The following JAK1 variants were observed in gnomAD, a reference collection of about 807,000 sequenced individuals.
JAK1 encodes the protein Janus kinase 1, also known as tyrosine-protein kinase JAK1.
A neutral mutation model predicts 136.6 loss-of-function variants in JAK1; 16 were observed. The observed-to-expected ratio is 0.12, with a 90% CI of 0.08 to 0.18. The LOEUF is 0.18. JAK1 is among the 10% of genes least tolerant of loss of function. The pLI is 1.00. For synonymous variants in JAK1, 492 were observed against 519.5 expected (o/e 0.95, Z 0.72); for missense variants, 859 against 1,450.1 (o/e 0.59, Z 6.62).
chr1:64,887,805 T>A (rs1305572538), intron 1 of JAK1, among the ~76,000 whole-genome samples: 1 of 152,150 alleles, frequency 6.6e-6, no homozygotes, highest in African/African-American at 2.4e-5. Flanking sequence ...AGGATCAGCA[T>A]GTGTGGGGAA....
At chr1:64,933,579 G>A (rs898014538) in intron 1 of JAK1, among the ~76,000 whole-genome samples, 1 of 152,168 alleles carries the variant, frequency 6.6e-6, no homozygotes, top group African/African-American at 2.4e-5. Flanking sequence ...TCTCTGCCAT[G>A]GGCTGACGCC....
chr1:64,856,241 A>G (rs1227431460), intron 10 of JAK1, among the ~76,000 whole-genome samples: 1 of 152,196 alleles, frequency 6.6e-6, no homozygotes, highest in African/African-American at 2.4e-5. Context: ...GGTGCCAGAT[A>G]GGAGGTATAA....
intron 1 of JAK1, among the ~76,000 whole-genome samples, chr1:64,911,322 G>A (rs976269281): frequency 6.6e-6 from 1 of 152,212 alleles, no homozygotes; most frequent in South Asian, 2.1e-4. Context: ...ATACCTGAGA[G>A]TTAAAGAGTG....
At chr1:64,890,233 T>C (rs984926955) in intron 1 of JAK1, among the ~76,000 whole-genome samples, 7 of 149,582 alleles carry the variant, frequency 4.7e-5, no homozygotes. Context: ...CAATGAAAAC[T>C]ACAGGAAGAT....
At chr1:64,888,763 G>A in intron 1 of JAK1, among the ~76,000 whole-genome samples, 1 of 152,182 alleles carries the variant, frequency 6.6e-6, no homozygotes, top group East Asian at 1.9e-4. Flanking sequence ...ATAGATTTGT[G>A]ATGCTTAGCC....
At chr1:64,979,328 G>A (rs1646523263) in intron 2 of JAK1, among the ~76,000 whole-genome samples, 1 of 152,208 alleles carries the variant, frequency 6.6e-6, no homozygotes, top group African/African-American at 2.4e-5. Flanking sequence ...GACCCCAGGA[G>A]TTCGAGGCTG....
intron 1 of JAK1, among the ~76,000 whole-genome samples, chr1:65,063,381 C>A (rs973115889): frequency 2.0e-5 from 3 of 152,240 alleles, no homozygotes; most frequent in African/African-American, 7.2e-5. Context: ...TGGACTTTTA[C>A]ACTAATCTCC....
At chr1:64,881,934 CAAAA>C (rs1202801117) in intron 3 of JAK1, among the ~76,000 whole-genome samples, 5 of 151,860 alleles carry the variant, frequency 3.3e-5, no homozygotes, top group African/African-American at 1.2e-4. Flanking sequence ...AGGGAGAAAA[CAAAA>C]AAACAAAGCC....
intron 2 of JAK1, among the ~76,000 whole-genome samples, chr1:64,998,022 G>A (rs1646719651): frequency 6.6e-6 from 1 of 152,036 alleles, no homozygotes; most frequent in Admixed American, 6.5e-5. Flanking sequence ...TCTAGAAATA[G>A]AACAAAAAGA....
rs1183218798 is a variant in JAK1, at chr1:64,928,778, C to CAAAAA, written c.-78+37550_-78+37554dup. On this transcript the variant is annotated intron_variant, in intron 1 of 24. Coordinates refer to ENST00000342505, the MANE Select transcript of JAK1 (RefSeq NM_002227.4). ...AGGTTCTGAGTGCTATAAAACTCTG[C>CAAAAA]AAAAAAAAAAAAAAAAAACAAAAAA... Among the ~76,000 whole-genome samples, 5 of 61,152 alleles carry CAAAAA rather than the reference C, an allele frequency of 8.2e-5. 1 individual carries two copies. Among genetic ancestry groups the CAAAAA allele is most frequent in the Non-Finnish European group, 1.3e-4 (4 of 31,872 alleles). The allele number at this position is 61,152 out of a possible 152,430, so 40.1% of individuals were successfully genotyped here.
intron 2 of JAK1, chr1:64,992,013 T>C (rs2100726136): frequency 6.6e-6 from 1 of 152,330 alleles, no homozygotes; most frequent in East Asian, 1.9e-4. Context: ...CAAAACAATG[T>C]ACAGATTCAA....
chr1:64,992,696 T>TG (rs2100728072), intron 2 of JAK1: 1 of 152,292 alleles, frequency 6.6e-6, no homozygotes, highest in Admixed American at 6.5e-5. Context: ...GAGACCATCC[T>TG]GGCTAACATG....
chr1:65,018,934 C>A (rs1039785129), intron 2 of JAK1, among the ~76,000 whole-genome samples: 7 of 152,090 alleles, frequency 4.6e-5, no homozygotes, highest in African/African-American at 1.7e-4. Context: ...CGGGGTGAAC[C>A]CAGGAGGCGG....
chr1:64,894,642 T>G (rs909359894), intron 1 of JAK1, among the ~76,000 whole-genome samples: 23 of 151,820 alleles, frequency 1.5e-4, no homozygotes, highest in Admixed American at 1.5e-3. Flanking sequence ...CCGGGCGTGG[T>G]GGTGGGTGCC....
chr1:65,062,952 T>C (rs1473981220), intron 1 of JAK1, among the ~76,000 whole-genome samples: 3 of 152,238 alleles, frequency 2.0e-5, no homozygotes, highest in Non-Finnish European at 4.4e-5. Flanking sequence ...TTTGGCAGTT[T>C]GTCATCTATA....
chr1:65,052,858 T>C (rs556477819), intron 1 of JAK1, among the ~76,000 whole-genome samples: 29 of 44,302 alleles, frequency 6.5e-4, no homozygotes, highest in Non-Finnish European at 8.3e-4. Context: ...CGAGACTCCA[T>C]CTCAAAAAAA....
At chr1:64,836,338 T>C (rs1654476413) in intron 22 of JAK1, 123 bp from the exon 23 acceptor site, 1 of 688,134 alleles carries the variant, frequency 1.5e-6, no homozygotes, top group Admixed American at 2.2e-5. Flanking sequence ...TCTGACTGTG[T>C]ATTATATATT....
chr1:64,960,146 T>C (rs975453339), intron 1 of JAK1, among the ~76,000 whole-genome samples: 10 of 152,208 alleles, frequency 6.6e-5, no homozygotes, highest in Admixed American at 3.9e-4. Flanking sequence ...GAGGATTGCT[T>C]GAGCCCAGAA....
chr1:64,968,949 A>T (rs1318922908), upstream of JAK1, among the ~76,000 whole-genome samples: 1 of 150,980 alleles, frequency 6.6e-6, no homozygotes, highest in Admixed American at 6.6e-5. Context: ...AAAAAAAAAA[A>T]AAAAAGGTAA....
Sources: allele counts gnomAD v4.1 joint callset (sites outside exome capture counted in the v4.1 genomes callset), GRCh38; gene constraint gnomAD v4.1.1; transcripts MANE v1.5; gene names NCBI Gene and HGNC (gene_info 2026-07-23, HGNC 2026-07-21).